The following UNC79 variants were observed in gnomAD, a reference collection of about 807,000 sequenced individuals.
UNC79 encodes unc-79 subunit of NALCN channel complex.
Under a neutral mutation model 283.1 loss-of-function variants are expected in UNC79, and 37 were observed. That is an observed-to-expected ratio of 0.13 (90% CI 0.10 to 0.17). UNC79 has a LOEUF of 0.17. Ranked by LOEUF, UNC79 falls within the 10% of genes least tolerant of loss-of-function variation. The probability of loss-of-function intolerance (pLI) is 1.00; values close to 1 mark genes in which losing one functional copy is unlikely to be tolerated. For synonymous variants in UNC79, 1,107 were observed against 1,200.2 expected, an observed-to-expected ratio of 0.92 and a Z score of 1.61; for missense variants, 2,272 against 3,211.1, an observed-to-expected ratio of 0.71 and a Z score of 7.07.
intron 1 of UNC79, among the ~76,000 whole-genome samples, chr14:93,352,220 A>G (rs2053992211): frequency 6.6e-6 from 1 of 152,212 alleles, no homozygotes; most frequent in Admixed American, 6.5e-5. Flanking sequence ...ATCGGGACAC[A>G]GGCTCAATCT....
chr14:93,600,260 T>C (rs565297889), intron 24 of UNC79, among the ~76,000 whole-genome samples: 54 of 152,242 alleles, frequency 3.5e-4, no homozygotes, highest in Non-Finnish European at 6.0e-4. Context: ...ATGCATTGAC[T>C]TGAGGGTATT....
intron 1 of UNC79, among the ~76,000 whole-genome samples, chr14:93,423,062 CAAAAAAAAAAAAAA>C (rs71129634): frequency 3.9e-5 from 3 of 77,300 alleles, no homozygotes; most frequent in Admixed American, 2.9e-4. Flanking sequence ...GACTCTGTCT[CAAAAAAAAAAAAAA>C]AAAAAAAAAA....
At chr14:93,352,581 C>T (rs2053999321) in intron 1 of UNC79, among the ~76,000 whole-genome samples, 1 of 152,156 alleles carries the variant, frequency 6.6e-6, no homozygotes, top group Non-Finnish European at 1.5e-5. Context: ...ATTCAAGGTA[C>T]AGTTTGTTCT....
Position 93,407,243 on chromosome 14 carries a change from G to C in UNC79, c.-350-60428G>C, listed in dbSNP as rs535984972. Among the ~76,000 whole-genome samples, 149 of 152,112 alleles carry C rather than the reference G, an allele frequency of 9.8e-4. 1 individual carries two copies. The highest frequency in any genetic ancestry group is 3.4e-3 in the African/African-American group (140 of 41,474). On this transcript the variant is annotated intron_variant, in intron 1 of 49. Transcript: ENST00000256339. ...AGGTTCTTGGTAGACATACATTTTG[G>C]GGGGATACTATTCAACTCATTACAC...
intron 1 of UNC79, among the ~76,000 whole-genome samples, chr14:93,434,545 C>G (rs1052814683): frequency 2.0e-5 from 3 of 152,184 alleles, no homozygotes; most frequent in African/African-American, 4.8e-5. Context: ...TCAAAATTGA[C>G]CAATCGGGAT....
At chr14:93,480,042 T>C (rs2058045406) in intron 4 of UNC79, among the ~76,000 whole-genome samples, 1 of 152,258 alleles carries the variant, frequency 6.6e-6, no homozygotes, top group African/African-American at 2.4e-5. Flanking sequence ...ACATTTAAGA[T>C]TGATCAAGTA....
rs201491209 is a variant in UNC79 at position 93,618,302 on chromosome 14, A to T, written c.4335A>T (p.Gly1445=). The T allele has an allele frequency of 2.4e-5, 38 of 1,614,082 alleles. No homozygotes were observed. In the African/African-American group the frequency reaches 4.5e-4, roughly 19 times the overall value. ...GCTGCAAGCCCCATGCCACGGCAGG[A>T]CCTTTGTACAGTGACAACAGTAACA... The change falls in exon 29 of 49, where the codon GGA becomes GGT. Residue 1445 remains glycine (G), a synonymous_variant. Coordinates refer to ENST00000555664, the Ensembl canonical transcript of UNC79.
chr14:93,479,619 CCTCTCT>C (rs1000571473), intron 4 of UNC79, among the ~76,000 whole-genome samples: 4 of 150,620 alleles, frequency 2.7e-5, no homozygotes, highest in East Asian at 3.9e-4. Flanking sequence ...TTCCTCCCTT[CCTCTCT>C]CTCTCTCTCT....
chr14:93,352,454 A>T (rs1351565063), intron 1 of UNC79, among the ~76,000 whole-genome samples: 1 of 152,134 alleles, frequency 6.6e-6, no homozygotes, highest in Non-Finnish European at 1.5e-5. Flanking sequence ...ACCGTTTGAC[A>T]CTCAAGTTAT....
chr14:93,687,820 G>A (rs911518080), intron 43 of UNC79, among the ~76,000 whole-genome samples: 2 of 152,128 alleles, frequency 1.3e-5, no homozygotes, highest in Admixed American at 6.5e-5. Flanking sequence ...ACCTAAACAT[G>A]TTTAGGTTGT....
At chr14:93,526,525 T>C (rs1214730414) in intron 8 of UNC79, among the ~76,000 whole-genome samples, 1 of 152,220 alleles carries the variant, frequency 6.6e-6, no homozygotes, top group Non-Finnish European at 1.5e-5. Flanking sequence ...GTTAATGTGT[T>C]AATTGAATTT....
At chr14:93,358,063 A>G (rs1361127711) in intron 1 of UNC79, among the ~76,000 whole-genome samples, 4 of 151,442 alleles carry the variant, frequency 2.6e-5, no homozygotes, top group Non-Finnish European at 5.9e-5. Context: ...CTAGAGGAAC[A>G]GAATATTAAG....
chr14:93,464,284 G>T (rs190448876), intron 1 of UNC79, among the ~76,000 whole-genome samples: 1 of 152,360 alleles, frequency 6.6e-6, no homozygotes, highest in Non-Finnish European at 1.5e-5. Context: ...GAGGCTTGAA[G>T]TCTGAGATTG....
At chr14:93,578,501 G>A (rs973681916) in intron 18 of UNC79, among the ~76,000 whole-genome samples, 11 of 152,074 alleles carry the variant, frequency 7.2e-5, no homozygotes, top group Non-Finnish European at 1.2e-4. Flanking sequence ...AATAATTTCA[G>A]ATTTGCAGAA....
chr14:93,437,413 T>G (rs2056126457), intron 1 of UNC79: 2 of 152,178 alleles, frequency 1.3e-5, no homozygotes, highest in South Asian at 4.1e-4. Context: ...TATACAGAAC[T>G]TTTCACAGAT....
chr14:93,443,060 C>T lies in UNC79; in HGVS notation c.22+12009C>T, dbSNP rs989154108. On this transcript the variant is annotated intron_variant, in intron 1 of 48. Transcript: ENST00000555664. ...CCAACATGGCAAAACCCTATCTCTACTAAAAATATAAAAATTAGCCAGGCG... is the reference window on the plus strand; with the variant it reads ...CCAACATGGCAAAACCCTATCTCTATTAAAAATATAAAAATTAGCCAGGCG... Among the ~76,000 whole-genome samples the T allele has an allele frequency of 3.9e-5, 6 of 152,032 alleles. No individual in the cohort carries two copies. The East Asian group carries it at 1.2e-3, about 29-fold the overall frequency.
chr14:93,587,700 G>A (rs558981720), intron 22 of UNC79, among the ~76,000 whole-genome samples: 11 of 152,276 alleles, frequency 7.2e-5, no homozygotes, highest in Non-Finnish European at 1.5e-4. Context: ...ATTTGTGTAC[G>A]TTTGAGAGTG....
intron 5 of UNC79, among the ~76,000 whole-genome samples, chr14:93,488,998 G>T (rs2140482241): frequency 6.6e-6 from 1 of 152,310 alleles, no homozygotes; most frequent in African/African-American, 2.4e-5. Context: ...CTAAAGTGCA[G>T]TGGTGCAATT....
At chr14:93,541,193 A>G (rs2061354094) in intron 13 of UNC79, among the ~76,000 whole-genome samples, 1 of 152,234 alleles carries the variant, frequency 6.6e-6, no homozygotes, top group African/African-American at 2.4e-5. Flanking sequence ...TAACATATAC[A>G]GATAATTCAC....
Sources: gnomAD v4.1 joint callset for allele counts (sites outside exome capture counted in the v4.1 genomes callset) on GRCh38, gnomAD v4.1.1 for gene constraint, MANE v1.5 for transcripts, NCBI Gene and HGNC (gene_info 2026-07-23, HGNC 2026-07-21) for gene names.